AGBL4: variants seen among roughly 807,000 people sequenced by gnomAD.
AGBL4 encodes cytosolic carboxypeptidase 6.
In AGBL4, 58 loss-of-function variants were observed where a neutral mutation model predicts 66.4. The ratio of observed to expected loss-of-function variants is 0.87; its 90% CI spans 0.71 to 1.09. The LOEUF is 1.09. AGBL4 is among the 50% of genes least tolerant of loss of function. The pLI is 0.00. For missense variants in AGBL4, 579 were observed against 631.0 expected, an observed-to-expected ratio of 0.92 and a Z score of 0.88; for synonymous variants, 234 against 222.9, an observed-to-expected ratio of 1.05 and a Z score of -0.44.
At chr1:49,485,456 G>T (rs1338934057) in intron 3 of AGBL4, among the ~76,000 whole-genome samples, 1 of 120,172 alleles carries the variant, frequency 8.3e-6, no homozygotes, top group Non-Finnish European at 1.7e-5. Flanking sequence ...GGGGTCTGTT[G>T]TGGGGTGGGG....
intron 4 of AGBL4, among the ~76,000 whole-genome samples, chr1:49,107,714 A>T (rs1259732972): frequency 1.3e-5 from 2 of 150,938 alleles, no homozygotes; most frequent in Non-Finnish European, 3.0e-5. Flanking sequence ...AGAGAGAGAG[A>T]GAGAGAGAGA....
chr1:49,242,581 C>T (rs1420430469), intron 4 of AGBL4, among the ~76,000 whole-genome samples: 3 of 151,710 alleles, frequency 2.0e-5, no homozygotes, highest in Admixed American at 1.3e-4. Flanking sequence ...GTAATGAACA[C>T]GGTTAAGAAA....
intron 1 of AGBL4, among the ~76,000 whole-genome samples, chr1:50,020,306 T>G (rs1369824152): frequency 1.3e-5 from 2 of 152,252 alleles, no homozygotes; most frequent in East Asian, 3.9e-4. Context: ...ATTTGAAATT[T>G]TTTATATTCA....
intron 4 of AGBL4, among the ~76,000 whole-genome samples, chr1:49,230,215 C>T (rs1210889557): frequency 2.0e-5 from 3 of 152,158 alleles, no homozygotes; most frequent in African/African-American, 7.2e-5. Context: ...ATCATTTCTC[C>T]TCTCTGAGCC....
chr1:48,908,595 C>T (rs1652825560), intron 5 of AGBL4, among the ~76,000 whole-genome samples: 1 of 152,174 alleles, frequency 6.6e-6, no homozygotes, highest in Admixed American at 6.5e-5. Flanking sequence ...TGAGCTGGTG[C>T]CTCTATTTAT....
At chr1:48,747,322 C>A (rs913533225) in intron 6 of AGBL4, among the ~76,000 whole-genome samples, 1 of 152,062 alleles carries the variant, frequency 6.6e-6, no homozygotes, top group Admixed American at 6.6e-5. Context: ...GGAAAATATA[C>A]CTTCCATGGA....
intron 2 of AGBL4, among the ~76,000 whole-genome samples, chr1:49,847,705 GTTT>G (rs143820918): frequency 7.0e-6 from 1 of 142,058 alleles, no homozygotes; most frequent in Non-Finnish European, 1.6e-5. Flanking sequence ...AAATAAACTT[GTTT>G]TTTTTTTTTT....
intron 3 of AGBL4, among the ~76,000 whole-genome samples, chr1:49,579,892 A>G (rs1373494958): frequency 1.3e-5 from 2 of 152,164 alleles, no homozygotes; most frequent in South Asian, 2.1e-4. Flanking sequence ...AATCTGTCCA[A>G]TGCTGTGAGT....
chr1:49,871,043 C>A (rs949099667), intron 1 of AGBL4, among the ~76,000 whole-genome samples: 2 of 152,008 alleles, frequency 1.3e-5, no homozygotes, highest in African/African-American at 4.8e-5. Flanking sequence ...CAGGGACTAT[C>A]ATGGAAGAGG....
At chr1:49,992,303 C>T (rs1018042007) in intron 1 of AGBL4, among the ~76,000 whole-genome samples, 5 of 149,974 alleles carry the variant, frequency 3.3e-5, no homozygotes, top group East Asian at 2.0e-4. Context: ...ACCCAGGAGG[C>T]GGAGTTTGCA....
At chr1:48,623,273 C>T (rs1019597248) in intron 9 of AGBL4, among the ~76,000 whole-genome samples, 1 of 152,184 alleles carries the variant, frequency 6.6e-6, no homozygotes, top group Non-Finnish European at 1.5e-5. Context: ...CAAGTGAAAG[C>T]AAGCCTAGAA....
intron 5 of AGBL4, among the ~76,000 whole-genome samples, 174 bp from the exon 6 acceptor site, chr1:48,867,404 G>T (rs1648212811): frequency 6.6e-6 from 1 of 152,158 alleles, no homozygotes; most frequent in Admixed American, 6.5e-5. Context: ...AGAGACAAAG[G>T]GGGATGGATG....
At chr1:48,776,688 G>A (rs776865452) in intron 6 of AGBL4, 3 of 1,514,950 alleles carry the variant, frequency 2.0e-6, no homozygotes, top group East Asian at 2.7e-5. Flanking sequence ...CGGGCCCGGC[G>A]CCCAATTCCT....
intron 3 of AGBL4, among the ~76,000 whole-genome samples, chr1:49,681,717 G>C (rs1646696660): frequency 6.6e-6 from 1 of 152,144 alleles, no homozygotes; most frequent in South Asian, 2.1e-4. Context: ...ACAGCAGAAA[G>C]TCATAAAACA....
At chr1:49,315,633 T>A (rs767182800) in intron 3 of AGBL4, among the ~76,000 whole-genome samples, 82 of 152,112 alleles carry the variant, frequency 5.4e-4, no homozygotes, top group Non-Finnish European at 5.6e-4. Context: ...AACAAACATA[T>A]GGAAAAAAGC....
intron 5 of AGBL4, among the ~76,000 whole-genome samples, chr1:48,891,443 G>T (rs1650958207): frequency 6.6e-6 from 1 of 152,154 alleles, no homozygotes; most frequent in Non-Finnish European, 1.5e-5. Context: ...GGCACTAGAT[G>T]CTGGAGTCAT....
At chr1:49,582,016 G>A (rs1002895040) in intron 3 of AGBL4, among the ~76,000 whole-genome samples, 2 of 152,146 alleles carry the variant, frequency 1.3e-5, no homozygotes, top group African/African-American at 4.8e-5. Context: ...GAGCCAGCAG[G>A]TGGCACTTGC....
intron 4 of AGBL4, among the ~76,000 whole-genome samples, chr1:49,203,635 TAA>T (rs1412116893): frequency 3.3e-5 from 5 of 152,056 alleles, no homozygotes; most frequent in Admixed American, 6.6e-5. Flanking sequence ...AGTTGTTGTT[TAA>T]TGGTTTAAGA....
chr1:49,802,692 G>C (rs985507038), intron 2 of AGBL4, among the ~76,000 whole-genome samples: 12 of 152,084 alleles, frequency 7.9e-5, no homozygotes, highest in Admixed American at 2.6e-4. Context: ...ATAAATGCTG[G>C]TATATCCAGT....
Sources: gnomAD v4.1 joint callset for allele counts (sites outside exome capture counted in the v4.1 genomes callset) on GRCh38, gnomAD v4.1.1 for gene constraint, MANE v1.5 for transcripts, NCBI Gene and HGNC (gene_info 2026-07-23, HGNC 2026-07-21) for gene names.